The following FER1L5 variants were observed in gnomAD, a reference collection of about 807,000 sequenced individuals.
The protein encoded by FER1L5 is fer-1 like family member 5, also known as fer-1-like protein 5.
A neutral mutation model predicts 279.9 loss-of-function variants in FER1L5; 187 were observed. The observed-to-expected ratio is 0.67, with a 90% CI of 0.59 to 0.75. FER1L5 has a LOEUF of 0.75. Among genes scored for constraint, FER1L5 ranks in the 30% least tolerant of loss-of-function variants. FER1L5 has a pLI of 0.00. For missense variants in FER1L5, 2,091 were observed against 2,594.4 expected (o/e 0.81, Z 4.21); for synonymous variants, 921 against 989.7 (o/e 0.93, Z 1.30).
chr2:96,686,299 G>A lies in FER1L5; in HGVS notation c.2178G>A (p.Gly726=), dbSNP rs2076922744. The change falls in exon 23 of 53, where the codon GGG becomes GGA. Residue 726 remains glycine, a synonymous_variant. Transcript: ENST00000624922. ...ACTCCGTCCTCTTCTCCCCGGCAGG[G>A]GCTCTGCACTCCGGCAGGCTCTGTG... ...PAHSVLFSPA[G]ALHSGRLCGK... is the part of the protein sequence containing the mutation. 1.3e-6 allele frequency: 2 copies of A among 1,551,582 alleles called. No individual in the cohort carries two copies. The highest frequency in any genetic ancestry group is 1.7e-6 in the Non-Finnish European group (2 of 1,146,982).
rs1198479512 is a variant in FER1L5 at position 96,693,639 on chromosome 2, A to G, written c.3426A>G (p.Lys1142=). 6.4e-7 allele frequency: 1 copy of G among 1,551,724 alleles called. No homozygotes were observed. The highest frequency in any genetic ancestry group is 2.4e-5 in the East Asian group (1 of 40,922). Residue 1142 remains lysine (K), a synonymous_variant, in exon 32 of 53, where the codon AAA becomes AAG. Coordinates refer to ENST00000624922, the MANE Select transcript of FER1L5 (RefSeq NM_001293083.2). ...LLLYENPQDT[K]ESPPLVVLEL... ...TGTACGAGAACCCACAGGACACCAA[A>G]GAGAGCCCACCGCTTGTGGTGCTGG...
chr2:96,699,437 C>A, intron 42 of FER1L5, 113 bp from the exon 43 acceptor site: 1 of 1,241,904 alleles, frequency 8.1e-7, no homozygotes, highest in Non-Finnish European at 1.1e-6. Context: ...ATGCTCTGCT[C>A]TCCACAATCT....
intron 31 of FER1L5, among the ~76,000 whole-genome samples, chr2:96,693,036 C>T (rs541105794): frequency 4.0e-5 from 6 of 151,882 alleles, no homozygotes; most frequent in Non-Finnish European, 7.4e-5. Flanking sequence ...ATTAGCCGGG[C>T]GTGGTGGCGG....
chr2:96,669,248 G>A (rs1286744384), intron 17 of FER1L5, 111 bp downstream of exon 17: 7 of 1,081,550 alleles, frequency 6.5e-6, no homozygotes, highest in East Asian at 2.6e-5. Context: ...TGTCCCTCGG[G>A]GTCTTGTGGA....
At chr2:96,654,078 C>A in intron 8 of FER1L5, 1 of 296,672 alleles carries the variant, frequency 3.4e-6, no homozygotes, top group Non-Finnish European at 6.1e-6. Context: ...CAGCACAGGG[C>A]TAAGGAGAAC....
chr2:96,688,353 AG>A (rs1425263086), intron 24 of FER1L5, among the ~76,000 whole-genome samples: 3 of 152,174 alleles, frequency 2.0e-5, no homozygotes, highest in African/African-American at 7.2e-5. Flanking sequence ...CATCACCAAC[AG>A]GGCAGCCCGG....
intron 7 of FER1L5, 101 bp downstream of exon 7, chr2:96,652,121 G>A: frequency 1.3e-6 from 2 of 1,488,912 alleles, no homozygotes; most frequent in Admixed American, 4.0e-5. Context: ...GTCTTCATGT[G>A]TTTGTTCCAC....
chr2:96,686,995 G>T (rs2076955027), intron 23 of FER1L5, among the ~76,000 whole-genome samples: 1 of 151,978 alleles, frequency 6.6e-6, no homozygotes, highest in African/African-American at 2.4e-5. Context: ...TGTCTATAAG[G>T]TTTGGTACCA....
At position 96,693,693 on chromosome 2, in the gene FER1L5, T is replaced by C. The variant is rs1281610581; in HGVS notation, c.3474+6T>C. On this transcript the variant is annotated splice_donor_region_variant and intron_variant, in intron 32 of 52. Transcript: ENST00000624922. ...TGTGGCAGCGTGACTTCTGGGTAAG[T>C]TGGGCTGGGCAGAGCAAGGGGAAGA... The C allele has an allele frequency of 1.4e-5, 21 of 1,550,484 alleles. No individual in the cohort carries two copies. Among genetic ancestry groups the C allele is most frequent in the Admixed American group, 2.0e-5 (1 of 50,920 alleles).
Position 96,673,212 on chromosome 2 carries a change from C to G in FER1L5, c.1627C>G (p.Pro543Ala), listed in dbSNP as rs2076391608. The G allele has an allele frequency of 1.9e-6, 3 of 1,551,404 alleles. No individual in the cohort carries two copies. In the South Asian group the frequency reaches 3.6e-5, roughly 18 times the overall value. The change falls in exon 19 of 53, where the codon CCT becomes GCT. Residue 543 changes from proline to alanine, a missense_variant. By Grantham distance (27) the Pro-to-Ala change is conservative. Coordinates refer to ENST00000624922, the MANE Select transcript of FER1L5 (RefSeq NM_001293083.2). ...GAACAAGATGGACCTGAATTACAAG[C>G]CTCTAGTCTCAAGCACACCGTACAG... ...YGNKMDLNYK[P>A]LVSSTPYSPV...
intron 14 of FER1L5, among the ~76,000 whole-genome samples, chr2:96,667,359 T>C (rs2076161118): frequency 6.6e-6 from 1 of 151,658 alleles, no homozygotes; most frequent in African/African-American, 2.4e-5. Context: ...TTTTTTTTTT[T>C]TTTTTGAGAC....
chr2:96,650,259 G>T lies in FER1L5; in HGVS notation c.474G>T (p.Arg158Ser). 6.4e-7 allele frequency: 1 copy of T among 1,551,674 alleles called. No homozygotes were observed. Residue 158 changes from arginine to serine, a missense_variant, in exon 6 of 53, where the codon AGG (arginine) becomes AGT (serine). Transcript: ENST00000624922. ...KLMVPGSTAH[R>S]ALSSKPQHFQ... The stretch of plus-strand genomic sequence containing the variant: ...TGGTCCCTGGCTCCACTGCGCACAG[G>T]GCTCTGTCCTCAAAGCCTCAGCACT...
intron 31 of FER1L5, 91 bp downstream of exon 31, chr2:96,692,272 C>T: frequency 7.2e-7 from 1 of 1,382,226 alleles, no homozygotes; most frequent in Non-Finnish European, 1.0e-6. Flanking sequence ...GGCAGCCCTG[C>T]TTGCAGTCCC....
At position 96,647,878 on chromosome 2, in the gene FER1L5, C is replaced by T; in HGVS notation, c.331C>T (p.Pro111Ser). Residue 111 changes from proline (P) to serine (S), a missense_variant, in exon 4 of 53, where the codon CCC becomes TCC. Pro to Ser is a moderately conservative substitution (Grantham distance 74). Coordinates refer to ENST00000624922, the MANE Select transcript of FER1L5 (RefSeq NM_001293083.2). Reference sequence around the variant, plus strand: ...GACCCTGCTCAACCATTCCATGAAGCCCACAGATGTGAGTCAGGCCCAGGA... The same window carrying T: ...GACCCTGCTCAACCATTCCATGAAGTCCACAGATGTGAGTCAGGCCCAGGA... ...DLTLLNHSMK[P>S]TDCTVTLQVA... 1.3e-6 allele frequency: 2 copies of T among 1,551,560 alleles called. No individual in the cohort carries two copies. The highest frequency in any genetic ancestry group is 1.7e-6 in the Non-Finnish European group (2 of 1,146,756).
intron 51 of FER1L5, 111 bp from the exon 52 acceptor site, chr2:96,704,104 C>G (rs1573985579): frequency 7.5e-7 from 1 of 1,327,336 alleles, no homozygotes; most frequent in Non-Finnish European, 1.0e-6. Context: ...GCGTGAGACA[C>G]TGTGCCTGGC....
At chr2:96,666,144 A>G (rs1187993251) in intron 14 of FER1L5, among the ~76,000 whole-genome samples, 2 of 151,090 alleles carry the variant, frequency 1.3e-5, no homozygotes, top group Non-Finnish European at 1.5e-5. Flanking sequence ...ATCTGAGGCC[A>G]GGTGGTCAGA....
intron 14 of FER1L5, among the ~76,000 whole-genome samples, chr2:96,665,843 C>T (rs2076108856): frequency 6.6e-6 from 1 of 152,120 alleles, no homozygotes; most frequent in South Asian, 2.1e-4. Flanking sequence ...GCCTTGGCCT[C>T]CTACAGTGCT....
At position 96,687,905 on chromosome 2, in the gene FER1L5, G is replaced by A. The variant is rs2076991449; in HGVS notation, c.2319G>A (p.Leu773=). Residue 773 remains leucine, a synonymous_variant, in exon 24 of 53, where the codon CTG becomes CTA. Coordinates refer to ENST00000624922, the MANE Select transcript of FER1L5 (RefSeq NM_001293083.2). ...WLGNVTDSKD[L]QLLRQGDTAV... ...GCAATGTCACAGACAGCAAGGACCT[G>A]CAGCTGCTCCGCCAGGGTGACACAG... 2.6e-6 allele frequency: 4 copies of A among 1,551,012 alleles called. No individual in the cohort carries two copies.
chr2:96,704,119 T>C, intron 51 of FER1L5, 96 bp from the exon 52 acceptor site: 1 of 1,441,126 alleles, frequency 6.9e-7, no homozygotes, highest in South Asian at 1.3e-5. Context: ...CCTGGCCCAG[T>C]AGTTGCTTTT....
Sources: gnomAD v4.1 joint callset for allele counts (sites outside exome capture counted in the v4.1 genomes callset) on GRCh38, gnomAD v4.1.1 for gene constraint, MANE v1.5 for transcripts, NCBI Gene and HGNC (gene_info 2026-07-23, HGNC 2026-07-21) for gene names.